GPR89B: variants seen among roughly 807,000 people sequenced by gnomAD.
GPR89B encodes the protein G protein-coupled receptor 89B.
GPR89B carries 25 observed loss-of-function variants against 52.4 expected under a neutral mutation model. The ratio of observed to expected loss-of-function variants is 0.48; its 90% CI spans 0.35 to 0.67. GPR89B has a LOEUF of 0.67. GPR89B is among the 30% of genes least tolerant of loss of function. The pLI, the probability that GPR89B is intolerant of heterozygous loss-of-function variation, is 0.01. For missense variants in GPR89B, 146 were observed against 450.2 expected (o/e 0.32, Z 6.11); for synonymous variants, 52 against 151.2 (o/e 0.34, Z 4.81).
downstream of GPR89B, chr1:147,995,551 T>C: frequency 6.3e-7 from 1 of 1,591,078 alleles, no homozygotes; most frequent in South Asian, 1.1e-5. Flanking sequence ...ACTGTACCCA[T>C]ACTCTAGTAA....
the GPR89B span, among the ~76,000 whole-genome samples, chr1:148,004,337 TTG>T: frequency 1.4e-5 from 2 of 141,680 alleles, no homozygotes; most frequent in African/African-American, 6.2e-5. Context: ...TTTTTTTTTT[TTG>T]TATTTTTAGT....
chr1:147,988,431 G>T lies in GPR89B; in HGVS notation c.1006-1G>T. 9.5e-7 allele frequency: 1 copy of T among 1,047,648 alleles called. No individual in the cohort carries two copies. The highest frequency in any genetic ancestry group is 1.5e-6 in the Non-Finnish European group (1 of 667,372). The allele number at this position is 1,047,648 out of a possible 1,614,324, so 64.9% of individuals were successfully genotyped here. A position where few individuals can be genotyped will look rare whatever the true frequency, so the allele number is the denominator to read the frequency against. On this transcript the variant is annotated splice_acceptor_variant, in intron 11 of 13. Coordinates refer to ENST00000314163, the MANE Select transcript of GPR89B (RefSeq NM_016334.5). LOFTEE classifies it high-confidence loss of function. ...GATATTTTTTCTTGTTATGGTGGCA[G>T]GTGAAGTTTTGGTCCCAACACATTT...
At chr1:147,933,351 G>T (rs1469371948) in intron 1 of GPR89B, among the ~76,000 whole-genome samples, 1 of 151,810 alleles carries the variant, frequency 6.6e-6, no homozygotes, top group Non-Finnish European at 1.5e-5. Context: ...ATTCAAAATT[G>T]TTTTCCTTAT....
intron 10 of GPR89B, among the ~76,000 whole-genome samples, chr1:147,973,341 A>G (rs1293619403): frequency 6.6e-6 from 1 of 152,022 alleles, no homozygotes; most frequent in Non-Finnish European, 1.5e-5. Flanking sequence ...TGACTTTTTA[A>G]TAATTGCCAT....
At chr1:147,946,282 T>A (rs782515270) in intron 5 of GPR89B, among the ~76,000 whole-genome samples, 25 of 152,236 alleles carry the variant, frequency 1.6e-4, no homozygotes, top group Non-Finnish European at 2.8e-4. Flanking sequence ...TGCATGTTAT[T>A]TGTCTTTGTA....
chr1:147,971,460 A>G (rs1657460641), intron 10 of GPR89B, among the ~76,000 whole-genome samples: 3 of 125,254 alleles, frequency 2.4e-5, no homozygotes. Context: ...CTAGGGAAGC[A>G]TGTCTTTTTT....
At chr1:147,938,968 C>T in intron 3 of GPR89B, 151 bp downstream of exon 3, 2 of 599,902 alleles carry the variant, frequency 3.3e-6, no homozygotes, top group South Asian at 2.0e-5. Flanking sequence ...AGATATGGGT[C>T]ACAGCCACCT....
At chr1:148,006,741 G>A in the GPR89B span, among the ~76,000 whole-genome samples, 2 of 150,834 alleles carry the variant, frequency 1.3e-5, no homozygotes, top group Admixed American at 6.6e-5. Context: ...TTAACAGATG[G>A]AGTCTTGCTC....
chr1:147,932,974 T>G (rs1653775019), intron 1 of GPR89B, among the ~76,000 whole-genome samples: 1 of 152,188 alleles, frequency 6.6e-6, no homozygotes, highest in Non-Finnish European at 1.5e-5. Context: ...TCTGTGAAAA[T>G]AGGATAATCA....
chr1:148,016,659 A>G, the GPR89B span, among the ~76,000 whole-genome samples: 7 of 151,958 alleles, frequency 4.6e-5, no homozygotes, highest in African/African-American at 1.5e-4. Context: ...ACCTTCAGGA[A>G]TCAGGAGGTG....
intron 7 of GPR89B, among the ~76,000 whole-genome samples, 183 bp downstream of exon 7, chr1:147,954,585 C>T (rs1203609739): frequency 2.0e-5 from 3 of 151,062 alleles, no homozygotes; most frequent in Non-Finnish European, 1.5e-5. Flanking sequence ...TGGGAGGCCA[C>T]GACGGGGGGA....
chr1:147,937,151 A>G (rs587728529), intron 2 of GPR89B, among the ~76,000 whole-genome samples: 1 of 151,860 alleles, frequency 6.6e-6, no homozygotes, highest in South Asian at 2.1e-4. Flanking sequence ...GAGAAAGAGT[A>G]CAAAGAGAGA....
At chr1:147,995,550 A>G (rs1423507521), downstream of GPR89B, 6 of 1,590,366 alleles carry the variant, frequency 3.8e-6, no homozygotes, top group East Asian at 1.1e-4. Context: ...GACTGTACCC[A>G]TACTCTAGTA....
chr1:147,964,917 C>A (rs1400140337), intron 7 of GPR89B, among the ~76,000 whole-genome samples: 1 of 151,400 alleles, frequency 6.6e-6, no homozygotes, highest in Non-Finnish European at 1.5e-5. Flanking sequence ...TTTAATCCTG[C>A]ATGTTAAGCT....
chr1:147,957,209 T>G (rs1656181471), intron 7 of GPR89B, among the ~76,000 whole-genome samples: 1 of 151,914 alleles, frequency 6.6e-6, no homozygotes. Context: ...CAAGGTGGGA[T>G]TTCATAGAAA....
chr1:147,941,261 A>G (rs1244312664), intron 3 of GPR89B, among the ~76,000 whole-genome samples: 1 of 152,228 alleles, frequency 6.6e-6, no homozygotes, highest in Non-Finnish European at 1.5e-5. Flanking sequence ...CATGTGGTTC[A>G]CTTTTAATAG....
intron 7 of GPR89B, among the ~76,000 whole-genome samples, chr1:147,962,466 T>A (rs1306466170): frequency 6.9e-6 from 1 of 144,066 alleles, no homozygotes; most frequent in Non-Finnish European, 1.5e-5. Context: ...CTGACACAAA[T>A]ACACCCAGCT....
the GPR89B span, among the ~76,000 whole-genome samples, chr1:148,015,401 G>A: frequency 1.4e-5 from 2 of 145,576 alleles, no homozygotes; most frequent in African/African-American, 5.3e-5. Flanking sequence ...TGCAACCTCC[G>A]ACTCCCTGGT....
chr1:148,012,674 A>G, the GPR89B span, among the ~76,000 whole-genome samples: 51,137 of 151,724 alleles, frequency 0.34, 8,884 homozygotes, highest in South Asian at 0.42. Context: ...GAGGAGAGGA[A>G]AGAATAATAT....
Sources: allele counts gnomAD v4.1 joint callset (sites outside exome capture counted in the v4.1 genomes callset), GRCh38; gene constraint gnomAD v4.1.1; transcripts MANE v1.5; gene names NCBI Gene and HGNC (gene_info 2026-07-23, HGNC 2026-07-21).